Variants in CGNL1 observed in about 807,000 individuals in gnomAD.
CGNL1 encodes cingulin-like protein 1.
In CGNL1, 132 loss-of-function variants were observed where a neutral mutation model predicts 141.2. The ratio of observed to expected loss-of-function variants is 0.93; its 90% CI spans 0.81 to 1.08. The LOEUF (loss-of-function observed/expected upper bound fraction) is 1.08. Ranked by LOEUF, CGNL1 falls within the 50% of genes least tolerant of loss-of-function variation. The pLI is 0.00. For synonymous variants in CGNL1, 690 were observed against 622.1 expected (o/e 1.11, Z -1.63); for missense variants, 1,870 against 1,588.6 (o/e 1.18, Z -3.01).
intron 4 of CGNL1, among the ~76,000 whole-genome samples, chr15:57,451,054 G>A (rs1233614778): frequency 6.6e-6 from 1 of 152,088 alleles, no homozygotes; most frequent in African/African-American, 2.4e-5. Flanking sequence ...AAAAGATTTT[G>A]TTGCTGATTT....
chr15:57,381,994 C>G (rs1475690467), intron 1 of CGNL1, among the ~76,000 whole-genome samples: 2 of 152,182 alleles, frequency 1.3e-5, no homozygotes, highest in African/African-American at 4.8e-5. Flanking sequence ...GATTTCCACC[C>G]TTCTTCAAGT....
intron 14 of CGNL1, among the ~76,000 whole-genome samples, chr15:57,540,170 GC>G (rs1793317663): frequency 6.6e-6 from 1 of 151,988 alleles, no homozygotes; most frequent in Admixed American, 6.6e-5. Flanking sequence ...CTGGTGGTCT[GC>G]CCCCTTCCGG....
intron 14 of CGNL1, among the ~76,000 whole-genome samples, chr15:57,535,303 A>G (rs2032200727): frequency 6.6e-6 from 1 of 152,230 alleles, no homozygotes; most frequent in African/African-American, 2.4e-5. Context: ...TTGAGTTGCT[A>G]CAGTTTGTTT....
Position 57,500,432 on chromosome 15 carries a change from T to C in CGNL1, c.2404-16348T>C, listed in dbSNP as rs190644541. Among the ~76,000 whole-genome samples the C allele has an allele frequency of 3.7e-3, 569 of 152,324 alleles. 6 individuals carry two copies. The highest frequency in any genetic ancestry group is 0.013 in the African/African-American group (533 of 41,570). On this transcript the variant is annotated intron_variant, in intron 8 of 18. Transcript: ENST00000281282. The stretch of plus-strand genomic sequence containing the variant: ...TCCCGCCACGGCTGAGATGTCCCTG[T>C]GTGACTTTGAACAGGCCACTTAACC...
At chr15:57,407,221 A>G (rs529761826) in intron 1 of CGNL1, 2 of 152,384 alleles carry the variant, frequency 1.3e-5, no homozygotes, top group African/African-American at 4.8e-5. Flanking sequence ...TATAACTTAC[A>G]GCAACCTGAT....
chr15:57,524,786 C>A, intron 12 of CGNL1, 35 bp downstream of exon 12: 3 of 1,602,220 alleles, frequency 1.9e-6, no homozygotes, highest in Non-Finnish European at 2.6e-6. Flanking sequence ...TCCTTTATCC[C>A]TTATTCAAAG....
intron 11 of CGNL1, 30 bp from the exon 12 acceptor site, chr15:57,524,551 G>A (rs1354029883): frequency 1.3e-6 from 2 of 1,595,698 alleles, no homozygotes; most frequent in Non-Finnish European, 1.7e-6. Context: ...GCATCCCAGG[G>A]TGGGCTCACA....
chr15:57,500,118 G>C (rs1400970485), intron 8 of CGNL1, among the ~76,000 whole-genome samples: 3 of 152,178 alleles, frequency 2.0e-5, no homozygotes, highest in Non-Finnish European at 4.4e-5. Flanking sequence ...TGGGAATGGG[G>C]AGTGAATCTT....
chr15:57,441,086 AAAAG>A, intron 3 of CGNL1, among the ~76,000 whole-genome samples: 1 of 152,172 alleles, frequency 6.6e-6, no homozygotes, highest in African/African-American at 2.4e-5. Context: ...AAAAAAAAAA[AAAAG>A]CTTTACAGCC....
At chr15:57,403,266 G>T (rs151036066) in intron 1 of CGNL1, among the ~76,000 whole-genome samples, 55 of 151,680 alleles carry the variant, frequency 3.6e-4, no homozygotes, top group Non-Finnish European at 6.6e-4. Context: ...CCTCTTTGGG[G>T]CCCAGGACAA....
intron 16 of CGNL1, 106 bp downstream of exon 16, chr15:57,544,703 G>A (rs1188756728): frequency 2.1e-5 from 28 of 1,306,828 alleles, no homozygotes; most frequent in Non-Finnish European, 2.8e-5. Context: ...CGTAGCCTGT[G>A]AGGAAGGCAG....
chr15:57,544,398 GC>G, intron 15 of CGNL1, 74 bp from the exon 16 acceptor site: 1 of 1,569,530 alleles, frequency 6.4e-7, no homozygotes, highest in Admixed American at 1.7e-5. Context: ...ACCAGGTTCT[GC>G]CCCATATTCT....
chr15:57,412,003 G>A (rs2062793971), intron 1 of CGNL1, among the ~76,000 whole-genome samples: 1 of 152,166 alleles, frequency 6.6e-6, no homozygotes, highest in Non-Finnish European at 1.5e-5. Context: ...TCAAAGCCCC[G>A]CTAACGTTCA....
intron 1 of CGNL1, among the ~76,000 whole-genome samples, chr15:57,437,057 T>C (rs1042825212): frequency 4.6e-5 from 7 of 152,122 alleles, no homozygotes; most frequent in Admixed American, 1.3e-4. Context: ...CCTTTGCCAT[T>C]GCTGTTTTGC....
rs866558834 is a variant in CGNL1, at chr15:57,439,179, C to G, written c.1180C>G (p.Pro394Ala). 1 of 1,614,070 alleles carries G rather than the reference C, an allele frequency of 6.2e-7. No homozygotes were observed. The highest frequency in any genetic ancestry group is 1.3e-5 in the African/African-American group (1 of 74,916). Residue 394 changes from proline to alanine, a missense_variant, in exon 2 of 19, where the codon CCT (proline) becomes GCT (alanine). Physicochemically the swap from Pro to Ala is conservative, Grantham distance 27. Coordinates refer to ENST00000281282, the MANE Select transcript of CGNL1 (RefSeq NM_032866.5). ...ATCCAGAAGCGTGGATAGCGCCTTT[C>G]CTTTTGGCCTCCAAGGGAACTCGGA... The part of the protein sequence containing the change: ...KRSRSVDSAF[P>A]FGLQGNSEYL...
In CGNL1 at chr15:57,440,403, G is replaced by A; in HGVS notation, c.1629G>A (p.Gln543=). 1.2e-6 allele frequency: 2 copies of A among 1,602,582 alleles called. No homozygotes were observed. The highest frequency in any genetic ancestry group is 1.7e-6 in the Non-Finnish European group (2 of 1,173,972). ...TQATPDLLKG[Q]QELTQQTNEE... is the part of the protein sequence containing the mutation. ...CCACACCGGATCTCTTAAAGGGCCA[G>A]CAAGAGCTCACTCAGCAAACCAATG... The change falls in exon 3 of 19, where the codon CAG becomes CAA. Residue 543 remains glutamine, a synonymous_variant. Coordinates refer to ENST00000281282, the MANE Select transcript of CGNL1 (RefSeq NM_032866.5).
chr15:57,391,353 G>A (rs1417572248), intron 1 of CGNL1, among the ~76,000 whole-genome samples: 1 of 152,220 alleles, frequency 6.6e-6, no homozygotes, highest in Non-Finnish European at 1.5e-5. Flanking sequence ...CAGCCTTGCT[G>A]TTACTGCTTT....
intron 8 of CGNL1, among the ~76,000 whole-genome samples, chr15:57,498,518 TTATTTGTTTTTTGTTTG>T (rs1309236229): frequency 9.9e-5 from 15 of 152,216 alleles, no homozygotes; most frequent in African/African-American, 3.6e-4. Context: ...TTTTGTTTGT[TTATTTGTTTTTTGTTTG>T]TTTGTTTTTT....
At chr15:57,395,699 A>G (rs1204751917) in intron 1 of CGNL1, among the ~76,000 whole-genome samples, 3 of 152,350 alleles carry the variant, frequency 2.0e-5, no homozygotes, top group South Asian at 2.1e-4. Flanking sequence ...TAAGCACGCT[A>G]TGTGCATTGC....
Sources: allele counts gnomAD v4.1 joint callset (sites outside exome capture counted in the v4.1 genomes callset), GRCh38; gene constraint gnomAD v4.1.1; transcripts MANE v1.5; gene names NCBI Gene and HGNC (gene_info 2026-07-23, HGNC 2026-07-21).